LUC7L: variants seen among roughly 807,000 people sequenced by gnomAD.
LUC7L encodes the protein putative RNA-binding protein Luc7-like 1.
LUC7L carries 29 observed loss-of-function variants against 51.1 expected under a neutral mutation model. That is an observed-to-expected ratio of 0.57 (90% CI 0.42 to 0.77). The LOEUF (loss-of-function observed/expected upper bound fraction) is 0.77. Ranked by LOEUF, LUC7L falls within the 30% of genes least tolerant of loss-of-function variation. LUC7L has a pLI of 0.00. For missense variants in LUC7L, 403 were observed against 511.9 expected (o/e 0.79, Z 2.05); for synonymous variants, 181 against 180.7 (o/e 1.00, Z -0.01).
At chr16:215,348 C>T (rs1432585632) in intron 3 of LUC7L, among the ~76,000 whole-genome samples, 2 of 151,972 alleles carry the variant, frequency 1.3e-5, no homozygotes, top group Non-Finnish European at 2.9e-5. Flanking sequence ...GGGCCGGGCG[C>T]GGTGGCTCAC....
chr16:221,384 G>T (rs1038378170), intron 2 of LUC7L, among the ~76,000 whole-genome samples: 4 of 151,932 alleles, frequency 2.6e-5, no homozygotes. Context: ...TCAGTAAATG[G>T]CAGCATGTGG....
rs752560427 is a variant in LUC7L at position 227,354 on chromosome 16, T to C, written c.62-18A>G. On this transcript the variant is annotated intron_variant, in intron 1 of 9. Transcript: ENST00000293872. ...TTCGTCTCCTGAAATTCATTTGTGG[T>C]TTTAAATAAGACAATATTATCACAT... The C allele has an allele frequency of 6.3e-7, 1 of 1,591,512 alleles. No individual in the cohort carries two copies. The highest frequency in any genetic ancestry group is 1.1e-5 in the South Asian group (1 of 88,606).
intron 2 of LUC7L, among the ~76,000 whole-genome samples, chr16:224,794 T>C (rs2050081393): frequency 6.6e-6 from 1 of 151,644 alleles, no homozygotes; most frequent in South Asian, 2.1e-4. Context: ...GATAGCACCA[T>C]GCACTCCAGC....
intron 6 of LUC7L, among the ~76,000 whole-genome samples, chr16:197,121 T>G (rs905887023): frequency 6.6e-6 from 1 of 150,820 alleles, no homozygotes; most frequent in East Asian, 1.9e-4. Context: ...TTAGCCAGGA[T>G]GGTCTCAATC....
intron 5 of LUC7L, 91 bp from the exon 6 acceptor site, chr16:199,329 C>T: frequency 1.2e-6 from 1 of 807,402 alleles, no homozygotes; most frequent in Non-Finnish European, 2.0e-6. Context: ...GATAAGATGA[C>T]AGAGGTGACT....
In LUC7L at chr16:199,178, C is replaced by G. The variant is rs762922040; in HGVS notation, c.571G>C (p.Glu191Gln). ...SFQQQKLRVC[E>Q]VCSAYLGLHD... ...AGACCAAGGTAGGCTGAACAGACCTCGCAGACACGCAGCTTTTGCTGCTGA... is the reference window on the plus strand; with the variant it reads ...AGACCAAGGTAGGCTGAACAGACCTGGCAGACACGCAGCTTTTGCTGCTGA... Residue 191 changes from glutamate to glutamine, a missense_variant, in exon 6 of 10, where the codon GAG (glutamate) becomes CAG (glutamine). By Grantham distance (29) the Glu-to-Gln change is conservative. Transcript: ENST00000293872. The G allele has an allele frequency of 6.2e-7, 1 of 1,610,946 alleles. No individual in the cohort carries two copies. Among genetic ancestry groups the G allele is most frequent in the South Asian group, 1.1e-5 (1 of 90,962 alleles).
In LUC7L at chr16:219,116, C is replaced by T. The variant is rs539782477; in HGVS notation, c.255+1533G>A. On this transcript the variant is annotated intron_variant, in intron 3 of 9. Coordinates refer to ENST00000293872, the MANE Select transcript of LUC7L (RefSeq NM_201412.3). ...CTGTCTCAAAAATAAATAGGACAGG[C>T]GCGGTGGCTCACAGCTGTAATCCCA... Among the ~76,000 whole-genome samples, 26 of 151,788 alleles carry T rather than the reference C, an allele frequency of 1.7e-4. 1 individual carries two copies. In the South Asian group the frequency reaches 4.6e-3, roughly 27 times the overall value.
intron 1 of LUC7L, 189 bp from the exon 2 acceptor site, chr16:227,525 A>G (rs368711381): frequency 1.0e-4 from 142 of 1,421,366 alleles, no homozygotes; most frequent in South Asian, 1.5e-4. Context: ...GAGGCTAGTT[A>G]TATCATGGAG....
chr16:223,351 A>AAAAAT (rs529128426), intron 2 of LUC7L, among the ~76,000 whole-genome samples: 135 of 152,244 alleles, frequency 8.9e-4, no homozygotes, highest in African/African-American at 2.0e-3. Context: ...TCCGTCTCAA[A>AAAAAT]AAAATAAAAT....
intron 3 of LUC7L, among the ~76,000 whole-genome samples, chr16:219,299 G>C (rs1049929049): frequency 6.6e-6 from 1 of 152,140 alleles, no homozygotes; most frequent in African/African-American, 2.4e-5. Context: ...TAAGGCAGGA[G>C]AATCACTTGA....
chr16:205,908 A>T (rs1000395119), intron 5 of LUC7L, 96 bp downstream of exon 5: 91 of 1,434,012 alleles, frequency 6.3e-5, no homozygotes, highest in Middle Eastern at 3.6e-4. Context: ...TAAATTTTTT[A>T]AAAAATGGGA....
chr16:211,565 CAA>C (rs1200165593), intron 3 of LUC7L, among the ~76,000 whole-genome samples: 1 of 152,192 alleles, frequency 6.6e-6, no homozygotes, highest in Non-Finnish European at 1.5e-5. Context: ...CCTCTCCCTT[CAA>C]AGTGTTTCTC....
At chr16:217,379 C>T (rs982458618) in intron 3 of LUC7L, among the ~76,000 whole-genome samples, 1 of 151,990 alleles carries the variant, frequency 6.6e-6, no homozygotes, top group African/African-American at 2.4e-5. Context: ...CAGGTACCCC[C>T]CAAATATATA....
intron 3 of LUC7L, among the ~76,000 whole-genome samples, chr16:215,360 C>T (rs1470773657): frequency 6.6e-6 from 1 of 152,060 alleles, no homozygotes; most frequent in Non-Finnish European, 1.5e-5. Flanking sequence ...GTGGCTCACA[C>T]CTGTAATCCC....
intron 5 of LUC7L, among the ~76,000 whole-genome samples, chr16:199,606 T>C (rs1377166388): frequency 6.6e-6 from 1 of 151,904 alleles, no homozygotes; most frequent in African/African-American, 2.4e-5. Flanking sequence ...ACCCCATCTC[T>C]ATTAAAAATA....
At chr16:200,489 T>C (rs556438553) in intron 5 of LUC7L, among the ~76,000 whole-genome samples, 10 of 150,616 alleles carry the variant, frequency 6.6e-5, no homozygotes, top group Admixed American at 4.0e-4. Flanking sequence ...GAGGCACAAA[T>C]TGTTTAAGCC....
At chr16:199,756 CAAAAAAA>C (rs11361921) in intron 5 of LUC7L, among the ~76,000 whole-genome samples, 4 of 61,724 alleles carry the variant, frequency 6.5e-5, no homozygotes, top group African/African-American at 7.3e-5. Flanking sequence ...AACCCTGTCT[CAAAAAAA>C]AAAAAAAAAA....
chr16:217,858 GTGAAACC>G (rs1422326689), intron 3 of LUC7L, among the ~76,000 whole-genome samples: 1 of 151,922 alleles, frequency 6.6e-6, no homozygotes, highest in Non-Finnish European at 1.5e-5. Context: ...GACCAAAATG[GTGAAACC>G]TCATCTCTAC....
chr16:229,072 G>A, intron 1 of LUC7L: 6 of 1,417,208 alleles, frequency 4.2e-6, no homozygotes, highest in Non-Finnish European at 5.5e-6. Flanking sequence ...CAGACTCCGA[G>A]AGAGGAGCCC....
Sources: gnomAD v4.1 joint callset for allele counts (sites outside exome capture counted in the v4.1 genomes callset) on GRCh38, gnomAD v4.1.1 for gene constraint, MANE v1.5 for transcripts, NCBI Gene and HGNC (gene_info 2026-07-23, HGNC 2026-07-21) for gene names.